The following ZNF385D variants were observed in gnomAD, a reference collection of about 807,000 sequenced individuals.
ZNF385D encodes zinc finger protein 385D.
In ZNF385D, 15 loss-of-function variants were observed where a neutral mutation model predicts 35.8. The observed-to-expected ratio is 0.42, with a 90% CI of 0.28 to 0.64. The LOEUF is 0.64. Among genes scored for constraint, ZNF385D ranks in the 30% least tolerant of loss-of-function variants. The pLI is 0.23. For missense variants in ZNF385D, 474 were observed against 494.6 expected (o/e 0.96, Z 0.39); for synonymous variants, 212 against 186.8 (o/e 1.13, Z -1.10).
chr3:22,290,515 C>G (rs1283789363), intron 2 of ZNF385D, among the ~76,000 whole-genome samples: 1 of 152,148 alleles, frequency 6.6e-6, no homozygotes, highest in Non-Finnish European at 1.5e-5. Context: ...GCCTTTCTGG[C>G]AAGGTAAACT....
chr3:21,517,261 C>T (rs780483252), intron 3 of ZNF385D, among the ~76,000 whole-genome samples: 4 of 151,998 alleles, frequency 2.6e-5, no homozygotes, highest in Non-Finnish European at 5.9e-5. Context: ...TGTCCAGACA[C>T]CCTGAGACTT....
intron 3 of ZNF385D, among the ~76,000 whole-genome samples, chr3:22,141,441 T>C (rs980099563): frequency 3.9e-5 from 6 of 152,246 alleles, no homozygotes; most frequent in Non-Finnish European, 7.3e-5. Flanking sequence ...TAAATCTTGA[T>C]TTTGTTTACA....
intron 3 of ZNF385D, among the ~76,000 whole-genome samples, chr3:22,133,341 T>C (rs1274333131): frequency 6.6e-6 from 1 of 151,982 alleles, no homozygotes; most frequent in East Asian, 1.9e-4. Flanking sequence ...AGTAGAATAC[T>C]GAACATAAAC....
intron 3 of ZNF385D, among the ~76,000 whole-genome samples, chr3:21,564,223 T>C (rs1021146135): frequency 6.6e-6 from 1 of 152,198 alleles, no homozygotes; most frequent in Non-Finnish European, 1.5e-5. Flanking sequence ...ACCTATCTTA[T>C]TTCAGAGTGT....
intron 3 of ZNF385D, among the ~76,000 whole-genome samples, chr3:22,046,451 T>A (rs1184930711): frequency 6.6e-6 from 1 of 152,150 alleles, no homozygotes; most frequent in Non-Finnish European, 1.5e-5. Flanking sequence ...CTTTAAATTG[T>A]TTTGCTGATA....
At chr3:22,280,001 C>T (rs746089613) in intron 2 of ZNF385D, among the ~76,000 whole-genome samples, 5 of 151,734 alleles carry the variant, frequency 3.3e-5, no homozygotes, top group Admixed American at 6.6e-5. Flanking sequence ...GTTGTATTGC[C>T]TTGTGGTTTT....
intron 3 of ZNF385D, among the ~76,000 whole-genome samples, chr3:22,000,621 GAC>G (rs1022200877): frequency 6.6e-6 from 1 of 151,534 alleles, no homozygotes; most frequent in Admixed American, 6.6e-5. Context: ...AAAAATCAAA[GAC>G]AAAGAGAGAA....
Position 22,117,840 on chromosome 3 carries a change from T to C in ZNF385D, c.325+50977A>G, listed in dbSNP as rs1702888750. 2.6e-5 allele frequency among the ~76,000 whole-genome samples: 4 copies of C among 152,074 alleles called. No homozygotes were observed. In the South Asian group the frequency reaches 8.3e-4, roughly 31 times the overall value. ...TAGATGACAAAGGTAGAAATCTTTT[T>C]ATCTAATATAATCGTAACAATCATT... On this transcript the variant is annotated intron_variant, in intron 3 of 5. Coordinates refer to the ZNF385D transcript ENST00000494108.
intron 3 of ZNF385D, among the ~76,000 whole-genome samples, chr3:21,897,918 T>A (rs764399911): frequency 2.6e-5 from 4 of 152,170 alleles, no homozygotes; most frequent in Non-Finnish European, 5.9e-5. Flanking sequence ...TTATTTTTGT[T>A]GTTATTTGTT....
At chr3:22,280,945 C>G (rs1265664837) in intron 2 of ZNF385D, among the ~76,000 whole-genome samples, 1 of 151,968 alleles carries the variant, frequency 6.6e-6, no homozygotes, top group Non-Finnish European at 1.5e-5. Context: ...GAGGTCTTCA[C>G]CTCCTTTGTT....
chr3:22,191,122 TTTC>T (rs1695991329), intron 2 of ZNF385D, among the ~76,000 whole-genome samples: 1 of 150,932 alleles, frequency 6.6e-6, no homozygotes, highest in East Asian at 1.9e-4. Flanking sequence ...GAAATTGCTT[TTTC>T]TATTGTTAAT....
chr3:22,118,118 TTAAA>T (rs1355873229), intron 3 of ZNF385D, among the ~76,000 whole-genome samples: 1 of 152,054 alleles, frequency 6.6e-6, no homozygotes, highest in African/African-American at 2.4e-5. Context: ...CACAGGTACT[TTAAA>T]TAATTATGAA....
intron 3 of ZNF385D, among the ~76,000 whole-genome samples, chr3:21,842,610 T>C (rs1695751315): frequency 6.6e-6 from 1 of 152,034 alleles, no homozygotes; most frequent in Non-Finnish European, 1.5e-5. Flanking sequence ...CATACTGGTC[T>C]GAGGATGTGA....
intron 3 of ZNF385D, among the ~76,000 whole-genome samples, chr3:21,781,353 A>G: frequency 6.6e-6 from 1 of 152,004 alleles, no homozygotes; most frequent in East Asian, 1.9e-4. Flanking sequence ...CATATCTACA[A>G]TGTATAAAAT....
chr3:22,209,511 T>C (rs1199238854), intron 2 of ZNF385D, among the ~76,000 whole-genome samples: 1 of 152,036 alleles, frequency 6.6e-6, no homozygotes, highest in African/African-American at 2.4e-5. Context: ...ATTTATATAC[T>C]AAATATGGCT....
chr3:22,334,084 A>G (rs973060536), intron 2 of ZNF385D, among the ~76,000 whole-genome samples: 15 of 152,170 alleles, frequency 9.9e-5, no homozygotes, highest in Non-Finnish European at 1.8e-4. Context: ...ATGCGTTCAC[A>G]TATTTAATGC....
intron 2 of ZNF385D, among the ~76,000 whole-genome samples, chr3:22,318,181 A>G (rs1045783907): frequency 2.0e-5 from 3 of 152,188 alleles, no homozygotes; most frequent in African/African-American, 7.2e-5. Flanking sequence ...CTGAAATGCT[A>G]GGGGTGGAGA....
intron 3 of ZNF385D, among the ~76,000 whole-genome samples, chr3:21,977,358 G>A (rs1216743098): frequency 6.6e-6 from 1 of 152,120 alleles, no homozygotes; most frequent in Non-Finnish European, 1.5e-5. Flanking sequence ...ATTAAAGCTT[G>A]AGTATGGTGG....
intron 2 of ZNF385D, among the ~76,000 whole-genome samples, chr3:22,227,019 C>A (rs1014572897): frequency 1.3e-5 from 2 of 152,178 alleles, no homozygotes; most frequent in African/African-American, 4.8e-5. Flanking sequence ...ATGCATTCAG[C>A]ATATTTTGGT....
Sources: gnomAD v4.1 joint callset for allele counts (sites outside exome capture counted in the v4.1 genomes callset) on GRCh38, gnomAD v4.1.1 for gene constraint, MANE v1.5 for transcripts, NCBI Gene and HGNC (gene_info 2026-07-23, HGNC 2026-07-21) for gene names.